Variants in ADCY8 observed in about 807,000 individuals in gnomAD.
The protein encoded by ADCY8 is adenylate cyclase type 8.
In ADCY8, 51 loss-of-function variants were observed where a neutral mutation model predicts 119.7. The ratio of observed to expected loss-of-function variants is 0.43; its 90% CI spans 0.34 to 0.54. ADCY8 has a LOEUF of 0.54. Among genes scored for constraint, ADCY8 ranks in the 20% least tolerant of loss-of-function variants. The pLI is 0.03. For synonymous variants in ADCY8, 665 were observed against 651.0 expected (o/e 1.02, Z -0.33); for missense variants, 1,383 against 1,598.8 (o/e 0.87, Z 2.30).
intron 6 of ADCY8, among the ~76,000 whole-genome samples, chr8:130,905,959 C>T (rs1428908641): frequency 6.6e-6 from 1 of 152,156 alleles, no homozygotes; most frequent in Non-Finnish European, 1.5e-5. Flanking sequence ...CTGCTAAATC[C>T]CTCCTTACAG....
chr8:131,004,776 T>G (rs1274646092), intron 1 of ADCY8, among the ~76,000 whole-genome samples: 1 of 152,160 alleles, frequency 6.6e-6, no homozygotes, highest in Non-Finnish European at 1.5e-5. Flanking sequence ...GGGGAGAGAC[T>G]AAAGGGCTGT....
chr8:130,805,684 G>GT (rs1640523970), intron 14 of ADCY8, among the ~76,000 whole-genome samples: 1 of 152,230 alleles, frequency 6.6e-6, no homozygotes, highest in Admixed American at 6.5e-5. Context: ...ATTGGACAAT[G>GT]TGTCTTGGAT....
intron 12 of ADCY8, among the ~76,000 whole-genome samples, chr8:130,826,218 C>T (rs1816664083): frequency 6.6e-6 from 1 of 152,042 alleles, no homozygotes; most frequent in Non-Finnish European, 1.5e-5. Context: ...GCACTCACAT[C>T]AAAAGGTTAT....
At chr8:131,026,075 G>A (rs544097396) in intron 1 of ADCY8, among the ~76,000 whole-genome samples, 1 of 152,310 alleles carries the variant, frequency 6.6e-6, no homozygotes, top group East Asian at 1.9e-4. Flanking sequence ...ATGCATTAAT[G>A]AATGATGGAA....
intron 3 of ADCY8, 43 bp downstream of exon 3, chr8:130,951,825 A>G (rs768553528): frequency 2.5e-6 from 4 of 1,610,916 alleles, no homozygotes; most frequent in Admixed American, 3.3e-5. Context: ...CCAAACACAC[A>G]TGGATCATGC....
At chr8:130,926,856 T>C (rs1240674976) in intron 5 of ADCY8, among the ~76,000 whole-genome samples, 2 of 152,062 alleles carry the variant, frequency 1.3e-5, no homozygotes, top group African/African-American at 2.4e-5. Context: ...GCTTAGCTTA[T>C]ATTTTTTAAC....
At chr8:130,853,981 A>T (rs1586485150) in intron 9 of ADCY8, among the ~76,000 whole-genome samples, 1 of 152,224 alleles carries the variant, frequency 6.6e-6, no homozygotes, top group South Asian at 2.1e-4. Context: ...AAGAAATGTT[A>T]GTTCTCTTTC....
chr8:131,029,470 A>G (rs548817246), intron 1 of ADCY8, among the ~76,000 whole-genome samples: 2 of 152,328 alleles, frequency 1.3e-5, no homozygotes, highest in East Asian at 3.9e-4. Flanking sequence ...AGCTGGGTAT[A>G]GAGATTCAGA....
chr8:130,874,058 A>T (rs1818465630), intron 8 of ADCY8, among the ~76,000 whole-genome samples: 1 of 152,098 alleles, frequency 6.6e-6, no homozygotes, highest in Non-Finnish European at 1.5e-5. Flanking sequence ...CTGTAATCCC[A>T]GTGCTTTGGG....
intron 3 of ADCY8, among the ~76,000 whole-genome samples, chr8:130,945,440 C>T (rs1251188488): frequency 6.6e-6 from 1 of 152,184 alleles, no homozygotes; most frequent in African/African-American, 2.4e-5. Flanking sequence ...CTAGATAGAT[C>T]TGGGTTCAAA....
intron 2 of ADCY8, among the ~76,000 whole-genome samples, chr8:130,959,598 C>G (rs1821537822): frequency 6.6e-6 from 1 of 152,150 alleles, no homozygotes; most frequent in South Asian, 2.1e-4. Context: ...ACAATTACAT[C>G]TGTAACAAGT....
chr8:130,981,347 G>T (rs997741043), intron 2 of ADCY8, among the ~76,000 whole-genome samples: 2 of 152,124 alleles, frequency 1.3e-5, no homozygotes, highest in African/African-American at 4.8e-5. Context: ...TTAGGCATGG[G>T]TTATTTAAAA....
At chr8:130,870,057 A>G (rs1818295918) in intron 8 of ADCY8, among the ~76,000 whole-genome samples, 1 of 134,278 alleles carries the variant, frequency 7.4e-6, no homozygotes, top group Admixed American at 8.3e-5. Flanking sequence ...CTTGTCACCC[A>G]GGCTGGAGTG....
chr8:130,973,296 A>G (rs1421522276), intron 2 of ADCY8, among the ~76,000 whole-genome samples: 1 of 152,262 alleles, frequency 6.6e-6, no homozygotes, highest in Non-Finnish European at 1.5e-5. Context: ...TTCTTGGCTT[A>G]GTCATGCTAC....
chr8:131,026,386 T>TTTTG (rs1296326269), intron 1 of ADCY8, among the ~76,000 whole-genome samples: 2 of 152,194 alleles, frequency 1.3e-5, no homozygotes, highest in Admixed American at 6.5e-5. Context: ...AAATGTTTTT[T>TTTTG]TTTGTTTGTT....
intron 5 of ADCY8, among the ~76,000 whole-genome samples, chr8:130,921,023 G>A (rs775136614): frequency 6.6e-6 from 1 of 152,172 alleles, no homozygotes; most frequent in Non-Finnish European, 1.5e-5. Flanking sequence ...TACACACCCT[G>A]TTGGTTCTGT....
In ADCY8 at chr8:130,868,000, A is replaced by C. The variant is rs1484891165; in HGVS notation, c.2110-54T>G. On this transcript the variant is annotated intron_variant, in intron 8 of 17. Transcript: ENST00000286355. The stretch of plus-strand genomic sequence containing the variant: ...ACTTTGCAGCAGAGTGCAGTGTTTG[A>C]GGTTGAGGGAAACATCAAGAAGAAA... 3 of 1,166,306 alleles carry C rather than the reference A, an allele frequency of 2.6e-6. No homozygotes were observed. In the African/African-American group the frequency reaches 4.6e-5, roughly 18 times the overall value. 72.2% of individuals were successfully genotyped at this position (1,166,306 alleles called of 1,614,324 possible).
intron 3 of ADCY8, among the ~76,000 whole-genome samples, chr8:130,944,846 A>G (rs1821060972): frequency 6.6e-6 from 1 of 152,220 alleles, no homozygotes; most frequent in South Asian, 2.1e-4. Flanking sequence ...AGATTAAATG[A>G]TATATAAGAC....
In ADCY8 at chr8:130,909,982, G is replaced by GGCTGGAGT. The variant is rs1162970078; in HGVS notation, c.1482-124_1482-117dup. On this transcript the variant is annotated intron_variant, in intron 5 of 17. Transcript: ENST00000286355. ...AGACGGAGTTTTGCTCTGTCGCCCAGGCTGGAGTGCAATGGAGCTGCAACC... is the reference window on the plus strand; with the variant it reads ...AGACGGAGTTTTGCTCTGTCGCCCAGGCTGGAGTGCTGGAGTGCAATGGAGCTGCAACC... 1.2e-4 allele frequency: 119 copies of GGCTGGAGT among 959,174 alleles called. 1 individual carries two copies. Among genetic ancestry groups the GGCTGGAGT allele is most frequent in the Non-Finnish European group, 1.7e-4 (114 of 661,384 alleles). The allele number at this position is 959,174 out of a possible 1,614,324, so 59.4% of individuals were successfully genotyped here.
Sources: gnomAD v4.1 joint callset for allele counts (sites outside exome capture counted in the v4.1 genomes callset) on GRCh38, gnomAD v4.1.1 for gene constraint, MANE v1.5 for transcripts, NCBI Gene and HGNC (gene_info 2026-07-23, HGNC 2026-07-21) for gene names.